Variants in EGFLAM observed in about 807,000 individuals in gnomAD.
EGFLAM encodes the protein EGF like, fibronectin type III and laminin G domains, also known as pikachurin.
Under a neutral mutation model 113.1 loss-of-function variants are expected in EGFLAM, and 79 were observed. The observed-to-expected ratio is 0.70, with a 90% confidence interval of 0.58 to 0.84. EGFLAM has a LOEUF of 0.84. Among genes scored for constraint, EGFLAM ranks in the 40% least tolerant of loss-of-function variants. EGFLAM has a pLI of 0.00. For synonymous variants in EGFLAM, 504 were observed against 487.6 expected, an observed-to-expected ratio of 1.03 and a Z score of -0.44; for missense variants, 1,265 against 1,291.6, an observed-to-expected ratio of 0.98 and a Z score of 0.32.
intron 1 of EGFLAM, among the ~76,000 whole-genome samples, chr5:38,263,896 C>T (rs1486621718): frequency 6.6e-6 from 1 of 152,104 alleles, no homozygotes; most frequent in Non-Finnish European, 1.5e-5. Flanking sequence ...GGTGGTACAT[C>T]AGAGGCAAAG....
At chr5:38,260,292 C>T (rs922427891) in intron 1 of EGFLAM, among the ~76,000 whole-genome samples, 1 of 152,178 alleles carries the variant, frequency 6.6e-6, no homozygotes, top group African/African-American at 2.4e-5. Flanking sequence ...TTAATTGTCA[C>T]AATTTTTAAA....
chr5:38,462,949 C>T lies in EGFLAM; in HGVS notation c.2813C>T (p.Ala938Val). Residue 938 changes from alanine (A) to valine (V), a missense_variant, in exon 21 of 22, where the codon GCC becomes GTC. Coordinates refer to ENST00000322350, the MANE Select transcript of EGFLAM (RefSeq NM_152403.4). ...AAGATAACCGTGGATGACTATGGAG[C>T]CAGAACAGGCAAATCCCCAGGCATG... ...SGKITVDDYG[A>V]RTGKSPGMMR... 1.2e-6 allele frequency: 2 copies of T among 1,614,070 alleles called. No homozygotes were observed. The highest frequency in any genetic ancestry group is 1.7e-6 in the Non-Finnish European group (2 of 1,180,004).
intron 1 of EGFLAM, among the ~76,000 whole-genome samples, chr5:38,319,492 A>G (rs1738686604): frequency 6.6e-6 from 1 of 152,212 alleles, no homozygotes; most frequent in Non-Finnish European, 1.5e-5. Context: ...TGTAGGTGCC[A>G]GGAATAAAGA....
intron 1 of EGFLAM, among the ~76,000 whole-genome samples, chr5:38,282,959 C>T (rs766862075): frequency 9.2e-5 from 14 of 152,176 alleles, no homozygotes; most frequent in Non-Finnish European, 1.5e-4. Flanking sequence ...ATCCTCCCAC[C>T]TCAGCCCCCA....
chr5:38,303,578 C>A (rs148444115), intron 1 of EGFLAM, among the ~76,000 whole-genome samples: 1 of 152,162 alleles, frequency 6.6e-6, no homozygotes, highest in Non-Finnish European at 1.5e-5. Flanking sequence ...GTGGATCACT[C>A]ACTCTTCTTT....
intron 1 of EGFLAM, among the ~76,000 whole-genome samples, chr5:38,275,960 T>C (rs1269421477): frequency 6.6e-6 from 1 of 152,190 alleles, no homozygotes; most frequent in African/African-American, 2.4e-5. Context: ...AACTTGCTCC[T>C]GAACCACCAA....
chr5:38,349,773 G>GCGCGCACACACA (rs1554049180), intron 3 of EGFLAM, among the ~76,000 whole-genome samples: 5 of 130,948 alleles, frequency 3.8e-5, no homozygotes, highest in South Asian at 2.6e-4. Context: ...AAGTACACAC[G>GCGCGCACACACA]CACACACACA....
chr5:38,461,075 A>T (rs1452057680), intron 20 of EGFLAM: 5 of 152,204 alleles, frequency 3.3e-5, no homozygotes, highest in Admixed American at 2.6e-4. Context: ...ACACTCCTCT[A>T]CCAGTCTTTA....
At chr5:38,265,541 G>A (rs1257549348) in intron 1 of EGFLAM, among the ~76,000 whole-genome samples, 1 of 152,252 alleles carries the variant, frequency 6.6e-6, no homozygotes, top group Non-Finnish European at 1.5e-5. Flanking sequence ...GGGAAAAGGT[G>A]AGGAGATATG....
intron 3 of EGFLAM, among the ~76,000 whole-genome samples, chr5:38,347,018 C>G (rs746136276): frequency 5.3e-5 from 8 of 152,026 alleles, no homozygotes; most frequent in Non-Finnish European, 1.2e-4. Context: ...TCAAAGGGGC[C>G]GTAACTTGGG....
intron 5 of EGFLAM, among the ~76,000 whole-genome samples, chr5:38,363,597 A>G (rs1739983829): frequency 6.6e-6 from 1 of 152,232 alleles, no homozygotes; most frequent in Non-Finnish European, 1.5e-5. Context: ...TGAAATTAGC[A>G]TAGTTACTGA....
At chr5:38,412,893 C>T (rs775791016) in intron 11 of EGFLAM, among the ~76,000 whole-genome samples, 1 of 152,198 alleles carries the variant, frequency 6.6e-6, no homozygotes, top group East Asian at 1.9e-4. Flanking sequence ...AAGAATTAAA[C>T]TTGCAAGCAT....
intron 17 of EGFLAM, chr5:38,445,652 G>A (rs779795134): frequency 1.3e-6 from 2 of 1,598,488 alleles, no homozygotes; most frequent in South Asian, 2.2e-5. Context: ...GACTCTCCCT[G>A]TTCTCTTTCA....
At chr5:38,299,728 C>A (rs747850136) in intron 1 of EGFLAM, among the ~76,000 whole-genome samples, 2 of 152,066 alleles carry the variant, frequency 1.3e-5, no homozygotes, top group Non-Finnish European at 2.9e-5. Flanking sequence ...ATGACGTCTC[C>A]CCCACTCTCT....
At chr5:38,334,251 C>G (rs533025375) in intron 1 of EGFLAM, among the ~76,000 whole-genome samples, 4 of 152,240 alleles carry the variant, frequency 2.6e-5, no homozygotes, top group African/African-American at 7.2e-5. Flanking sequence ...TCTTTGTTAT[C>G]TTAGTTTGTT....
intron 1 of EGFLAM, among the ~76,000 whole-genome samples, chr5:38,270,125 G>A (rs1757733080): frequency 6.6e-6 from 1 of 152,240 alleles, no homozygotes; most frequent in Non-Finnish European, 1.5e-5. Context: ...ACAGCTTTCA[G>A]TCATGCTCCT....
chr5:38,375,500 C>G (rs946391183), intron 6 of EGFLAM, among the ~76,000 whole-genome samples: 3 of 152,136 alleles, frequency 2.0e-5, no homozygotes, highest in Non-Finnish European at 4.4e-5. Flanking sequence ...TGAGATCCCA[C>G]CAAGGACACA....
chr5:38,318,041 T>C (rs2253293), intron 1 of EGFLAM, among the ~76,000 whole-genome samples: 54,281 of 151,944 alleles, frequency 0.36, 11,767 homozygotes, highest in African/African-American at 0.61. Context: ...AGCGGGCACT[T>C]GGGGAAGATA....
At chr5:38,329,280 C>A (rs543092836) in intron 1 of EGFLAM, among the ~76,000 whole-genome samples, 9 of 148,964 alleles carry the variant, frequency 6.0e-5, no homozygotes, top group Admixed American at 4.7e-4. Context: ...CAGAGGGAGA[C>A]CCTATCTCAA....
Sources: gnomAD v4.1 joint callset for allele counts (sites outside exome capture counted in the v4.1 genomes callset) on GRCh38, gnomAD v4.1.1 for gene constraint, MANE v1.5 for transcripts, NCBI Gene and HGNC (gene_info 2026-07-23, HGNC 2026-07-21) for gene names.